Variants in VEZT observed in about 807,000 individuals in gnomAD.
VEZT encodes vezatin, adherens junctions transmembrane protein.
In VEZT, 39 loss-of-function variants were observed where a neutral mutation model predicts 79.9. The ratio of observed to expected loss-of-function variants is 0.49; its 90% CI spans 0.38 to 0.64. VEZT has a LOEUF of 0.64. Among genes scored for constraint, VEZT ranks in the 30% least tolerant of loss-of-function variants. VEZT has a pLI of 0.00. For missense variants in VEZT, 837 were observed against 893.1 expected (o/e 0.94, Z 0.80); for synonymous variants, 325 against 327.6 (o/e 0.99, Z 0.09).
intron 1 of VEZT, among the ~76,000 whole-genome samples, chr12:95,224,680 C>T (rs1027992082): frequency 1.3e-5 from 2 of 152,172 alleles, no homozygotes; most frequent in South Asian, 4.1e-4. Flanking sequence ...TGTTTTCTTG[C>T]CATCTACCAC....
intron 1 of VEZT, among the ~76,000 whole-genome samples, chr12:95,223,961 G>A (rs2058023049): frequency 6.6e-6 from 1 of 152,024 alleles, no homozygotes; most frequent in Non-Finnish European, 1.5e-5. Flanking sequence ...ATTTCCCTGA[G>A]TATTGCTTCA....
intron 2 of VEZT, among the ~76,000 whole-genome samples, chr12:95,254,275 C>G (rs1408916184): frequency 6.6e-6 from 1 of 151,744 alleles, no homozygotes; most frequent in Non-Finnish European, 1.5e-5. Context: ...CCACACCCAG[C>G]CATATTGCAC....
Position 95,300,597 on chromosome 12 carries a change from T to G in VEZT, c.2264T>G (p.Met755Arg). The G allele has an allele frequency of 6.2e-7, 1 of 1,613,390 alleles. No individual in the cohort carries two copies. Among genetic ancestry groups the G allele is most frequent in the Non-Finnish European group, 8.5e-7 (1 of 1,179,540 alleles). Residue 755 changes from methionine to arginine, a missense_variant, in exon 12 of 12, where the codon ATG becomes AGG. Met to Arg is a moderately conservative substitution (Grantham distance 91). Coordinates refer to ENST00000436874, the MANE Select transcript of VEZT (RefSeq NM_017599.4). Reference protein sequence around the residue: ...VAARSLSFTTMQEQTFGGEEE... With the variant: ...VAARSLSFTTRQEQTFGGEEE... ...GCTAGATCTCTCTCCTTTACCACCATGCAGGAACAGACTTTTGGTGGTGAG... is the reference window on the plus strand; with the variant it reads ...GCTAGATCTCTCTCCTTTACCACCAGGCAGGAACAGACTTTTGGTGGTGAG...
chr12:95,239,110 T>C (rs1294894033), intron 1 of VEZT, among the ~76,000 whole-genome samples: 1 of 152,214 alleles, frequency 6.6e-6, no homozygotes, highest in Non-Finnish European at 1.5e-5. Context: ...TAAATATTTA[T>C]TACCTTTTGG....
At chr12:95,285,973 C>A (rs373584707) in intron 8 of VEZT, among the ~76,000 whole-genome samples, 2 of 146,924 alleles carry the variant, frequency 1.4e-5, no homozygotes, top group East Asian at 2.0e-4. Context: ...ACGCTCCCCC[C>A]GACCCCTTCT....
chr12:95,247,016 C>T (rs1343558781), intron 1 of VEZT, among the ~76,000 whole-genome samples: 1 of 152,196 alleles, frequency 6.6e-6, no homozygotes, highest in East Asian at 1.9e-4. Flanking sequence ...ATCCCAAAAC[C>T]TCTAAAATAT....
intron 4 of VEZT, chr12:95,263,663 A>C (rs2064965439): frequency 6.6e-6 from 1 of 152,300 alleles, no homozygotes; most frequent in Admixed American, 6.5e-5. Context: ...AGGGGAAAAA[A>C]AAAAGAATTT....
At chr12:95,234,384 G>A (rs563299372) in intron 1 of VEZT, among the ~76,000 whole-genome samples, 2 of 151,276 alleles carry the variant, frequency 1.3e-5, no homozygotes, top group African/African-American at 4.9e-5. Context: ...CCGCCGGCCG[G>A]GTTCAAGCGA....
chr12:95,232,358 CT>C (rs1382907505), intron 1 of VEZT, among the ~76,000 whole-genome samples: 2 of 152,060 alleles, frequency 1.3e-5, no homozygotes, highest in Non-Finnish European at 2.9e-5. Context: ...GTAGAGAACA[CT>C]TTTTTTCCAG....
At chr12:95,231,273 G>A (rs2059241597) in intron 1 of VEZT, 1 of 152,262 alleles carries the variant, frequency 6.6e-6, no homozygotes, top group South Asian at 2.1e-4. Context: ...TAAAACTCCA[G>A]TATTCCTATT....
chr12:95,246,724 A>G (rs2061773873), intron 1 of VEZT, among the ~76,000 whole-genome samples: 1 of 152,230 alleles, frequency 6.6e-6, no homozygotes, highest in African/African-American at 2.4e-5. Context: ...AGGAGCTCCC[A>G]CATGCTGTGT....
Position 95,262,982 on chromosome 12 carries a change from T to G in VEZT, c.335T>G (p.Ile112Ser). 3 of 1,613,538 alleles carry G rather than the reference T, an allele frequency of 1.9e-6. No homozygotes were observed. The highest frequency in any genetic ancestry group is 2.5e-6 in the Non-Finnish European group (3 of 1,179,532). ...CTGTTACAAGAGGATGTGGAGCTGATTGAGCTACTTGATCCCAGTATCCTG... is the reference window on the plus strand; with the variant it reads ...CTGTTACAAGAGGATGTGGAGCTGAGTGAGCTACTTGATCCCAGTATCCTG... ...EVLLQEDVEL[I>S]ELLDPSILSA... Residue 112 changes from isoleucine to serine, a missense_variant, in exon 4 of 12, where the codon ATT becomes AGT. Ile to Ser is a moderately radical substitution (Grantham distance 142). Coordinates refer to ENST00000436874, the MANE Select transcript of VEZT (RefSeq NM_017599.4).
intron 1 of VEZT, among the ~76,000 whole-genome samples, chr12:95,235,551 C>T (rs1443627883): frequency 7.3e-6 from 1 of 137,230 alleles, no homozygotes; most frequent in African/African-American, 2.7e-5. Context: ...GCTGACCCCC[C>T]GACCTCCCTC....
Position 95,285,982 on chromosome 12 carries a change from CTTTTTTTT to C in VEZT, c.1329-1663_1329-1656del, listed in dbSNP as rs869030351. Among the ~76,000 whole-genome samples the C allele has an allele frequency of 7.0e-5, 6 of 85,854 alleles. No homozygotes were observed. The East Asian group carries it at 1.7e-3, about 24-fold the overall frequency. 56.3% of individuals were successfully genotyped at this position (85,854 alleles called of 152,430 possible). On this transcript the variant is annotated intron_variant, in intron 8 of 11. Transcript: ENST00000436874. ...ACCAAGACGCTCCCCCCGACCCCTT[CTTTTTTTT>C]TTTTTTTTTTTTTTTTTTGAGATAG...
chr12:95,269,365 A>G (rs1295767371), intron 5 of VEZT, among the ~76,000 whole-genome samples: 1 of 152,214 alleles, frequency 6.6e-6, no homozygotes, highest in African/African-American at 2.4e-5. Flanking sequence ...ACTATGCAGT[A>G]ACCCTTACTT....
chr12:95,268,541 G>T (rs118006310), intron 5 of VEZT, among the ~76,000 whole-genome samples: 4,528 of 152,212 alleles, frequency 0.03, 138 homozygotes, highest in Middle Eastern at 0.092. Flanking sequence ...TTTATTGAGA[G>T]GACTTACTGG....
At chr12:95,267,895 C>G (rs1375859275) in intron 5 of VEZT, among the ~76,000 whole-genome samples, 2 of 152,102 alleles carry the variant, frequency 1.3e-5, no homozygotes, top group Non-Finnish European at 2.9e-5. Flanking sequence ...GTGGCACACA[C>G]CTGTAGTCCC....
intron 11 of VEZT, 171 bp downstream of exon 11, chr12:95,296,429 G>A: frequency 4.3e-6 from 2 of 465,176 alleles, no homozygotes; most frequent in Non-Finnish European, 3.6e-6. Flanking sequence ...AAAAGAGTAG[G>A]AATGTAACCA....
At chr12:95,219,721 G>A (rs1207912902) in intron 1 of VEZT, among the ~76,000 whole-genome samples, 1 of 152,172 alleles carries the variant, frequency 6.6e-6, no homozygotes, top group Non-Finnish European at 1.5e-5. Context: ...GACTTACGCA[G>A]AAAGGTTATA....
Sources: gnomAD v4.1 joint callset for allele counts (sites outside exome capture counted in the v4.1 genomes callset) on GRCh38, gnomAD v4.1.1 for gene constraint, MANE v1.5 for transcripts, NCBI Gene and HGNC (gene_info 2026-07-23, HGNC 2026-07-21) for gene names.